The following CAMK1D variants were observed in gnomAD, a reference collection of about 807,000 sequenced individuals.
CAMK1D encodes calcium/calmodulin-dependent protein kinase type 1D.
CAMK1D carries 9 observed loss-of-function variants against 47.7 expected under a neutral mutation model. The ratio of observed to expected loss-of-function variants is 0.19; its 90% CI spans 0.11 to 0.33. The LOEUF is 0.33. Ranked by LOEUF, CAMK1D falls within the 10% of genes least tolerant of loss-of-function variation. CAMK1D has a pLI of 1.00. For synonymous variants in CAMK1D, 184 were observed against 184.9 expected (o/e 0.99, Z 0.04); for missense variants, 291 against 488.7 (o/e 0.60, Z 3.81).
chr10:12,439,643 G>C (rs1832727534), intron 1 of CAMK1D, among the ~76,000 whole-genome samples: 1 of 152,140 alleles, frequency 6.6e-6, no homozygotes, highest in African/African-American at 2.4e-5. Context: ...CCTGAGAGAG[G>C]GATCGAGGAC....
At chr10:12,714,583 G>A (rs1209617656) in intron 3 of CAMK1D, among the ~76,000 whole-genome samples, 1 of 152,050 alleles carries the variant, frequency 6.6e-6, no homozygotes, top group East Asian at 1.9e-4. Context: ...GCTGGGCTTG[G>A]TGGCAGGTGC....
intron 1 of CAMK1D, among the ~76,000 whole-genome samples, chr10:12,367,974 C>T (rs1467459873): frequency 6.6e-6 from 1 of 152,050 alleles, no homozygotes; most frequent in African/African-American, 2.4e-5. Flanking sequence ...GGGTGGATCA[C>T]GAGGTCAGGA....
chr10:12,624,195 C>T (rs752698752), intron 2 of CAMK1D, among the ~76,000 whole-genome samples: 1 of 151,986 alleles, frequency 6.6e-6, no homozygotes, highest in African/African-American at 2.4e-5. Context: ...AGTATATCCC[C>T]ATATGAGAGT....
chr10:12,497,674 T>C (rs925197421), intron 1 of CAMK1D, among the ~76,000 whole-genome samples: 6 of 152,154 alleles, frequency 3.9e-5, no homozygotes, highest in African/African-American at 1.4e-4. Flanking sequence ...GCTTGAAAAG[T>C]CCAATTTTAC....
At chr10:12,707,083 T>G (rs138457414) in intron 3 of CAMK1D, among the ~76,000 whole-genome samples, 3 of 152,218 alleles carry the variant, frequency 2.0e-5, no homozygotes, top group African/African-American at 7.2e-5. Context: ...TGGAGAGAGA[T>G]AGGAGTTACG....
intron 1 of CAMK1D, among the ~76,000 whole-genome samples, chr10:12,362,231 A>G (rs1358998626): frequency 1.3e-5 from 2 of 152,024 alleles, no homozygotes; most frequent in African/African-American, 4.8e-5. Flanking sequence ...CACTCCACCT[A>G]TGAAACACTA....
At chr10:12,365,267 G>C (rs1027698291) in intron 1 of CAMK1D, among the ~76,000 whole-genome samples, 1 of 151,904 alleles carries the variant, frequency 6.6e-6, no homozygotes, top group African/African-American at 2.4e-5. Context: ...TCCTCTCTGA[G>C]TCCTGATGAC....
intron 6 of CAMK1D, among the ~76,000 whole-genome samples, chr10:12,811,441 G>A (rs889111526): frequency 1.3e-5 from 2 of 152,270 alleles, no homozygotes; most frequent in Non-Finnish European, 2.9e-5. Context: ...TGTAACTTCT[G>A]TTTGTCCTTC....
At chr10:12,638,020 G>A (rs1408870841) in intron 2 of CAMK1D, among the ~76,000 whole-genome samples, 1 of 152,146 alleles carries the variant, frequency 6.6e-6, no homozygotes, top group Non-Finnish European at 1.5e-5. Flanking sequence ...GTGACCACAG[G>A]CAGCTGAATG....
intron 3 of CAMK1D, among the ~76,000 whole-genome samples, chr10:12,678,579 G>A (rs1170453219): frequency 2.0e-5 from 3 of 152,116 alleles, no homozygotes; most frequent in African/African-American, 4.8e-5. Context: ...TATTGAAAGT[G>A]GGGTATTGAA....
At chr10:12,409,906 CT>C (rs1297407245) in intron 1 of CAMK1D, among the ~76,000 whole-genome samples, 2 of 152,200 alleles carry the variant, frequency 1.3e-5, no homozygotes, top group Admixed American at 1.3e-4. Context: ...TATTTTCTGT[CT>C]GTAAATTTGC....
chr10:12,554,096 CT>C (rs1836680109), intron 2 of CAMK1D, among the ~76,000 whole-genome samples: 1 of 114,168 alleles, frequency 8.8e-6, no homozygotes, highest in Non-Finnish European at 2.0e-5. Flanking sequence ...ATAGATTTTT[CT>C]TTCTTTTTTT....
chr10:12,756,808 G>C (rs1315687671), intron 3 of CAMK1D, among the ~76,000 whole-genome samples: 1 of 152,150 alleles, frequency 6.6e-6, no homozygotes, highest in East Asian at 1.9e-4. Flanking sequence ...GCCACCTGTA[G>C]TCCCAGCTAC....
At chr10:12,618,606 G>C (rs1314483437) in intron 2 of CAMK1D, among the ~76,000 whole-genome samples, 1 of 151,990 alleles carries the variant, frequency 6.6e-6, no homozygotes, top group African/African-American at 2.4e-5. Flanking sequence ...TAAGTATCAG[G>C]TAATACTTAA....
chr10:12,688,327 A>G (rs952573058), intron 3 of CAMK1D, among the ~76,000 whole-genome samples: 5 of 152,220 alleles, frequency 3.3e-5, no homozygotes, highest in African/African-American at 1.2e-4. Flanking sequence ...GTGTCGTAGC[A>G]TCTGGAACAT....
chr10:12,413,324 G>T (rs1216260544), intron 1 of CAMK1D, among the ~76,000 whole-genome samples: 2 of 152,152 alleles, frequency 1.3e-5, no homozygotes, highest in Admixed American at 6.5e-5. Context: ...CAAGCTGTGA[G>T]GGATCCGCTC....
chr10:12,571,272 C>A (rs1837315401), intron 2 of CAMK1D, among the ~76,000 whole-genome samples: 1 of 151,712 alleles, frequency 6.6e-6, no homozygotes, highest in Non-Finnish European at 1.5e-5. Flanking sequence ...CAGTGAAACC[C>A]CCGTCTCTAT....
At chr10:12,797,594 A>G (rs1838251010) in intron 6 of CAMK1D, among the ~76,000 whole-genome samples, 2 of 152,012 alleles carry the variant, frequency 1.3e-5, no homozygotes, top group African/African-American at 2.4e-5. Context: ...TCACTCCAGC[A>G]TCGTAGTTTG....
At chr10:12,540,760 C>T (rs1836141551) in intron 1 of CAMK1D, among the ~76,000 whole-genome samples, 1 of 152,124 alleles carries the variant, frequency 6.6e-6, no homozygotes, top group African/African-American at 2.4e-5. Context: ...TTGTGGAATT[C>T]ACCAGTTAAA....
Sources: gnomAD v4.1 joint callset for allele counts (sites outside exome capture counted in the v4.1 genomes callset) on GRCh38, gnomAD v4.1.1 for gene constraint, MANE v1.5 for transcripts, NCBI Gene and HGNC (gene_info 2026-07-23, HGNC 2026-07-21) for gene names.